The following TUSC3 variants were observed in gnomAD, a reference collection of about 807,000 sequenced individuals.
TUSC3 encodes dolichyl-diphosphooligosaccharide--protein glycosyltransferase subunit TUSC3.
In TUSC3, 45 loss-of-function variants were observed where a neutral mutation model predicts 44.8. The ratio of observed to expected loss-of-function variants is 1.00; its 90% confidence interval spans 0.79 to 1.29. TUSC3 has a LOEUF of 1.29. Ranked by LOEUF, TUSC3 falls within the 50% of genes most tolerant of loss-of-function variation. The probability of loss-of-function intolerance (pLI) is 0.00; values close to 1 mark genes in which losing one functional copy is unlikely to be tolerated. For missense variants in TUSC3, 519 were observed against 437.9 expected (o/e 1.19, Z -1.65); for synonymous variants, 212 against 152.9 (o/e 1.39, Z -2.85).
the TUSC3 span, among the ~76,000 whole-genome samples, chr8:15,786,421 T>C: frequency 6.6e-6 from 1 of 152,126 alleles, no homozygotes; most frequent in South Asian, 2.1e-4. Flanking sequence ...GATAAAATAA[T>C]GTGGAAGCTA....
At chr8:15,448,595 G>A (rs1800143242) in intron 1 of TUSC3, among the ~76,000 whole-genome samples, 1 of 152,132 alleles carries the variant, frequency 6.6e-6, no homozygotes, top group South Asian at 2.1e-4. Flanking sequence ...TATATTAATA[G>A]TGTTTATAAT....
chr8:15,615,797 A>G (rs530807649), intron 1 of TUSC3, among the ~76,000 whole-genome samples: 1 of 152,342 alleles, frequency 6.6e-6, no homozygotes, highest in African/African-American at 2.4e-5. Flanking sequence ...TTTATACACT[A>G]AAATACTACA....
chr8:15,590,028 T>C (rs978134329), intron 1 of TUSC3, among the ~76,000 whole-genome samples: 3 of 152,198 alleles, frequency 2.0e-5, no homozygotes, highest in Non-Finnish European at 4.4e-5. Context: ...GAAAATTCCA[T>C]TTAAATTTGG....
At chr8:15,466,949 G>C (rs1271225754) in intron 1 of TUSC3, among the ~76,000 whole-genome samples, 1 of 151,938 alleles carries the variant, frequency 6.6e-6, no homozygotes, top group African/African-American at 2.4e-5. Context: ...AATGGAATTA[G>C]TTCCTGAGTA....
chr8:15,554,377 C>G (rs1461722125), intron 1 of TUSC3, among the ~76,000 whole-genome samples: 1 of 151,582 alleles, frequency 6.6e-6, no homozygotes, highest in Admixed American at 6.6e-5. Context: ...TTGCTGTATT[C>G]TTTTTTCCTG....
chr8:15,479,084 T>G (rs1440531658), intron 1 of TUSC3, among the ~76,000 whole-genome samples: 1 of 152,230 alleles, frequency 6.6e-6, no homozygotes, highest in Non-Finnish European at 1.5e-5. Flanking sequence ...TGTCTTCTTC[T>G]GAGAAGTATG....
At chr8:15,744,045 A>G (rs1489615744) in intron 8 of TUSC3, among the ~76,000 whole-genome samples, 1 of 152,204 alleles carries the variant, frequency 6.6e-6, no homozygotes, top group Non-Finnish European at 1.5e-5. Flanking sequence ...TAGGTATTGT[A>G]CAGTGAGATA....
intron 1 of TUSC3, among the ~76,000 whole-genome samples, chr8:15,459,696 A>C (rs905329884): frequency 2.0e-5 from 3 of 152,008 alleles, no homozygotes; most frequent in Admixed American, 1.3e-4. Flanking sequence ...TTTAGCTTTC[A>C]CATATCAGTG....
chr8:15,590,488 C>G lies in TUSC3; in HGVS notation c.139-32592C>G, dbSNP rs193243973. 1.4e-3 allele frequency among the ~76,000 whole-genome samples: 206 copies of G among 152,190 alleles called. 2 individuals are homozygous for G. The highest frequency in any genetic ancestry group is 4.8e-3 in the African/African-American group (200 of 41,548). On this transcript the variant is annotated intron_variant, in intron 1 of 10. Coordinates refer to ENST00000503731, the MANE Select transcript of TUSC3 (RefSeq NM_006765.4). The stretch of plus-strand genomic sequence containing the variant: ...CAGCATCTAAGAAAATAAATTCTTT[C>G]TTGCCAATTCCCCCATTAACATTTA...
chr8:15,737,384 G>A (rs543688408), intron 7 of TUSC3, among the ~76,000 whole-genome samples: 20 of 151,896 alleles, frequency 1.3e-4, no homozygotes, highest in Non-Finnish European at 2.4e-4. Context: ...AAATATATTC[G>A]TTACTAATTC....
chr8:15,641,196 C>T (rs936426786), intron 2 of TUSC3, among the ~76,000 whole-genome samples: 3 of 151,202 alleles, frequency 2.0e-5, no homozygotes, highest in African/African-American at 7.3e-5. Context: ...CCTGTCTCTA[C>T]CAGAAATAGA....
intron 1 of TUSC3, among the ~76,000 whole-genome samples, chr8:15,481,536 C>A (rs902310853): frequency 1.3e-5 from 2 of 152,112 alleles, no homozygotes; most frequent in African/African-American, 4.8e-5. Flanking sequence ...TGTTCATTTT[C>A]TCAGCATTCC....
intron 2 of TUSC3, among the ~76,000 whole-genome samples, chr8:15,531,459 C>G (rs1019170552): frequency 6.6e-6 from 1 of 152,170 alleles, no homozygotes; most frequent in Non-Finnish European, 1.5e-5. Flanking sequence ...GCCACGTTGG[C>G]CAGGCTGGTC....
chr8:15,578,291 T>C (rs375999311), intron 1 of TUSC3, among the ~76,000 whole-genome samples: 4 of 119,994 alleles, frequency 3.3e-5, no homozygotes, highest in African/African-American at 1.3e-4. Flanking sequence ...CTTTTCCTAA[T>C]TGAATACCCT....
At chr8:15,445,057 G>A (rs1306782045) in intron 1 of TUSC3, among the ~76,000 whole-genome samples, 1 of 152,138 alleles carries the variant, frequency 6.6e-6, no homozygotes, top group African/African-American at 2.4e-5. Flanking sequence ...GATTAATGGA[G>A]AAAATTCTTA....
rs146812612 is a variant in TUSC3 at position 15,672,067 on chromosome 8, G to C, written c.709-1680G>C. On this transcript the variant is annotated intron_variant, in intron 5 of 10. Coordinates refer to ENST00000503731, the MANE Select transcript of TUSC3 (RefSeq NM_006765.4). ...CCCTGTTTTAGAGATTGACTGGGTT[G>C]ACATAGCATGAACAAGATGTGGATG... Among the ~76,000 whole-genome samples, 25 of 152,110 alleles carry C rather than the reference G, an allele frequency of 1.6e-4. No individual in the cohort carries two copies. In the East Asian group the frequency reaches 4.3e-3, roughly 26 times the overall value.
the TUSC3 span, among the ~76,000 whole-genome samples, chr8:15,808,244 T>G: frequency 3.3e-5 from 5 of 152,126 alleles, no homozygotes; most frequent in Non-Finnish European, 5.9e-5. Flanking sequence ...AACTTAAGAA[T>G]TTTTCAAAGA....
At chr8:15,534,515 C>T (rs1455906983) in intron 2 of TUSC3, among the ~76,000 whole-genome samples, 2 of 151,816 alleles carry the variant, frequency 1.3e-5, no homozygotes, top group Non-Finnish European at 2.9e-5. Flanking sequence ...TGGTGGTGGG[C>T]TCCTGTAGTC....
At chr8:15,815,175 G>A in the TUSC3 span, among the ~76,000 whole-genome samples, 3 of 152,112 alleles carry the variant, frequency 2.0e-5, no homozygotes, top group African/African-American at 7.2e-5. Flanking sequence ...AATGTTAGAA[G>A]GCAAGTGACT....
Sources: allele counts gnomAD v4.1 joint callset (sites outside exome capture counted in the v4.1 genomes callset), GRCh38; gene constraint gnomAD v4.1.1; transcripts MANE v1.5; gene names NCBI Gene and HGNC (gene_info 2026-07-23, HGNC 2026-07-21).